HESX1: variants seen among roughly 807,000 people sequenced by gnomAD.
The protein encoded by HESX1 is homeobox expressed in ES cells 1.
Under a neutral mutation model 22.5 loss-of-function variants are expected in HESX1, and 11 were observed. The ratio of observed to expected loss-of-function variants is 0.49; its 90% CI spans 0.31 to 0.81. The LOEUF is 0.81. Ranked by LOEUF, HESX1 falls within the 30% of genes least tolerant of loss-of-function variation. HESX1 has a pLI of 0.05. For synonymous variants in HESX1, 74 were observed against 76.5 expected (o/e 0.97, Z 0.17); for missense variants, 201 against 212.6 (o/e 0.95, Z 0.34).
intron 1 of HESX1, among the ~76,000 whole-genome samples, chr3:57,211,527 C>CAGAAAAAAAAAAA (rs2060553641): frequency 3.1e-5 from 1 of 31,982 alleles, no homozygotes. Flanking sequence ...GAGACCTTGT[C>CAGAAAAAAAAAAA]AAAAAAAAAA....
At chr3:57,226,093 G>C (rs138104778) in intron 1 of HESX1, among the ~76,000 whole-genome samples, 98 of 151,532 alleles carry the variant, frequency 6.5e-4, no homozygotes, top group African/African-American at 2.3e-3. Flanking sequence ...GGGCAGGCTG[G>C]TCTTGAACTC....
chr3:57,213,457 C>G (rs182092662), intron 1 of HESX1, among the ~76,000 whole-genome samples: 3 of 152,290 alleles, frequency 2.0e-5, no homozygotes, highest in Non-Finnish European at 4.4e-5. Context: ...TTTTCTCAGA[C>G]TCAACATTCA....
intron 1 of HESX1, among the ~76,000 whole-genome samples, chr3:57,218,411 C>G (rs2060595344): frequency 6.7e-6 from 1 of 149,234 alleles, no homozygotes; most frequent in Non-Finnish European, 1.5e-5. Flanking sequence ...ACAGCTCTAT[C>G]CATGTTTGGA....
At chr3:57,199,096 C>A (rs369264771) in intron 1 of HESX1, 144 bp from the exon 2 acceptor site, 2 of 727,748 alleles carry the variant, frequency 2.7e-6, no homozygotes. Context: ...TAACCAAAAA[C>A]CAATAAAAAA....
intron 1 of HESX1, among the ~76,000 whole-genome samples, chr3:57,222,310 G>A (rs2060620000): frequency 6.6e-6 from 1 of 152,200 alleles, no homozygotes; most frequent in Admixed American, 6.5e-5. Flanking sequence ...CCAGGCTGGA[G>A]TACAGCGGCA....
intron 1 of HESX1, among the ~76,000 whole-genome samples, chr3:57,219,804 T>C (rs2060604708): frequency 6.6e-6 from 1 of 152,192 alleles, no homozygotes; most frequent in South Asian, 2.1e-4. Flanking sequence ...GTTTACTCTG[T>C]TGATATTTTC....
chr3:57,203,068 G>C (rs2060499319), upstream of HESX1, among the ~76,000 whole-genome samples: 1 of 152,202 alleles, frequency 6.6e-6, no homozygotes, highest in East Asian at 1.9e-4. Context: ...AGGAGTTCCA[G>C]TGCAAAGAGA....
intron 1 of HESX1, among the ~76,000 whole-genome samples, chr3:57,212,692 C>T (rs1438637368): frequency 6.6e-6 from 1 of 152,082 alleles, no homozygotes; most frequent in Non-Finnish European, 1.5e-5. Context: ...TTTACCCCAT[C>T]TTACCTCCCC....
chr3:57,204,107 A>G (rs1035466648), upstream of HESX1, among the ~76,000 whole-genome samples: 4 of 152,222 alleles, frequency 2.6e-5, no homozygotes, highest in Admixed American at 1.3e-4. Context: ...AATCTCAGCC[A>G]AATACCAACT....
At chr3:57,217,129 C>T (rs573756920) in intron 1 of HESX1, among the ~76,000 whole-genome samples, 2 of 152,222 alleles carry the variant, frequency 1.3e-5, no homozygotes, top group African/African-American at 4.8e-5. Context: ...CTCCAAGGAG[C>T]CCTCCAAGCT....
In HESX1 at chr3:57,208,010, ATTTC is replaced by A. The variant is rs1018033083; in HGVS notation, c.-110-7986_-110-7983del. ...TTTACAGGTTTACTAGTCAATGTGT[ATTTC>A]TTCTTTTGTGAAATAATAGTGTATT... On this transcript the variant is annotated intron_variant, in intron 1 of 2. Transcript: ENST00000495160. 6.2e-4 allele frequency among the ~76,000 whole-genome samples: 95 copies of A among 152,220 alleles called. 1 individual carries two copies. Among genetic ancestry groups the A allele is most frequent in the African/African-American group, 2.3e-3 (95 of 41,538 alleles).
chr3:57,211,008 C>T (rs572089389), intron 1 of HESX1, among the ~76,000 whole-genome samples: 6 of 152,088 alleles, frequency 3.9e-5, no homozygotes, highest in Admixed American at 3.3e-4. Flanking sequence ...TGCCTGAGGT[C>T]GGGAGTTTGA....
intron 1 of HESX1, among the ~76,000 whole-genome samples, chr3:57,214,641 G>C (rs1473842342): frequency 6.6e-6 from 1 of 152,178 alleles, no homozygotes; most frequent in Admixed American, 6.5e-5. Context: ...CTGACACATA[G>C]TAGACATTAC....
chr3:57,217,484 T>C (rs2060588953), intron 1 of HESX1, among the ~76,000 whole-genome samples: 1 of 152,140 alleles, frequency 6.6e-6, no homozygotes, highest in Non-Finnish European at 1.5e-5. Context: ...TTCATTGCCA[T>C]CACCTCTTAC....
chr3:57,212,118 C>T lies in HESX1; in HGVS notation c.-110-12090G>A, dbSNP rs191743621. Among the ~76,000 whole-genome samples, 477 of 152,296 alleles carry T rather than the reference C, an allele frequency of 3.1e-3. 1 individual carries two copies. The highest frequency in any genetic ancestry group is 5.1e-3 in the Non-Finnish European group (344 of 68,030). ...AAAGTATTTCAGCCTTTGCTCTTCT[C>T]AAATCTCAAAAGAGTAAAGTATTAT... On this transcript the variant is annotated intron_variant, in intron 1 of 2. Transcript: ENST00000495160.
At chr3:57,207,245 G>GTAT (rs2060525109) in intron 1 of HESX1, among the ~76,000 whole-genome samples, 1 of 152,064 alleles carries the variant, frequency 6.6e-6, no homozygotes, top group South Asian at 2.1e-4. Context: ...CCACTATACT[G>GTAT]GGCCACAATA....
chr3:57,220,580 C>T (rs1054393350), intron 1 of HESX1, among the ~76,000 whole-genome samples: 3 of 152,114 alleles, frequency 2.0e-5, no homozygotes, highest in African/African-American at 7.2e-5. Context: ...CAGGCGTGCA[C>T]CACCACTGCC....
upstream of HESX1, among the ~76,000 whole-genome samples, chr3:57,203,666 T>C (rs1447243652): frequency 6.6e-6 from 1 of 152,150 alleles, no homozygotes; most frequent in African/African-American, 2.4e-5. Flanking sequence ...GTGATTCTCC[T>C]GCTTCAGCCT....
intron 1 of HESX1, among the ~76,000 whole-genome samples, chr3:57,209,885 T>G (rs1490511125): frequency 3.9e-5 from 6 of 152,166 alleles, no homozygotes; most frequent in Admixed American, 1.3e-4. Context: ...TTTAGCATAT[T>G]TGTGTTTAAT....
Sources: gnomAD v4.1 joint callset for allele counts (sites outside exome capture counted in the v4.1 genomes callset) on GRCh38, gnomAD v4.1.1 for gene constraint, MANE v1.5 for transcripts, NCBI Gene and HGNC (gene_info 2026-07-23, HGNC 2026-07-21) for gene names.